Variants in GPC3 observed in about 807,000 individuals in gnomAD.
GPC3 encodes the protein glypican-3.
In GPC3, 3 loss-of-function variants were observed where a neutral mutation model predicts 34.4. That is an observed-to-expected ratio of 0.09 (90% confidence interval 0.04 to 0.23). The LOEUF is 0.23. GPC3 is among the 10% of genes least tolerant of loss of function. The probability of loss-of-function intolerance (pLI) is 1.00; values close to 1 mark genes in which losing one functional copy is unlikely to be tolerated. For missense variants in GPC3, 351 were observed against 445.6 expected, an observed-to-expected ratio of 0.79 and a Z score of 1.91; for synonymous variants, 177 against 174.0, an observed-to-expected ratio of 1.02 and a Z score of -0.13.
intron 2 of GPC3, among the ~76,000 whole-genome samples, chrX:133,929,002 C>A (rs201118889): frequency 8.9e-6 from 1 of 111,812 alleles, no homozygotes; most frequent in East Asian, 2.8e-4. Flanking sequence ...GGTGTGATAT[C>A]CATAAAATCA....
At chrX:133,670,579 A>G (rs1210645825) in intron 5 of GPC3, among the ~76,000 whole-genome samples, 1 of 112,078 alleles carries the variant, frequency 8.9e-6, no homozygotes, top group Non-Finnish European at 1.9e-5. Context: ...GAGATCTCAC[A>G]TTCTCAGAGC....
intron 7 of GPC3, among the ~76,000 whole-genome samples, chrX:133,591,009 G>A (rs2069842568): frequency 8.9e-6 from 1 of 111,832 alleles, no homozygotes; most frequent in Non-Finnish European, 1.9e-5. Context: ...TAGGACATAC[G>A]GGAGAAGCAA....
At chrX:133,812,861 C>T (rs1313020360) in intron 2 of GPC3, among the ~76,000 whole-genome samples, 2 of 111,859 alleles carry the variant, frequency 1.8e-5, no homozygotes, top group Non-Finnish European at 3.8e-5. Context: ...AACAATCCTT[C>T]CCAGTGCCCA....
intron 6 of GPC3, among the ~76,000 whole-genome samples, chrX:133,634,512 A>C (rs778907571): frequency 6.2e-5 from 7 of 112,680 alleles, no homozygotes; most frequent in Non-Finnish European, 1.3e-4. Context: ...AAAAGAACAA[A>C]GTACAGACAC....
chrX:133,783,922 A>G (rs780362039), intron 2 of GPC3, among the ~76,000 whole-genome samples: 17 of 111,979 alleles, frequency 1.5e-4, no homozygotes, highest in Admixed American at 1.4e-3. Context: ...GGACACATTA[A>G]GCAGTATCTC....
intron 6 of GPC3, among the ~76,000 whole-genome samples, chrX:133,642,802 G>GGA (rs2070495950): frequency 9.9e-6 from 1 of 101,468 alleles, no homozygotes; most frequent in African/African-American, 3.5e-5. Context: ...AAGAAAGAAA[G>GGA]AAAGGAAAAG....
intron 2 of GPC3, among the ~76,000 whole-genome samples, chrX:133,771,165 T>A (rs182670926): frequency 2.9e-3 from 322 of 112,343 alleles, no homozygotes; most frequent in Non-Finnish European, 4.7e-3. Flanking sequence ...TTTAAAATAA[T>A]GCTTGGAGTA....
At chrX:133,621,480 G>A (rs1345923204) in intron 6 of GPC3, among the ~76,000 whole-genome samples, 1 of 112,183 alleles carries the variant, frequency 8.9e-6, no homozygotes, top group African/African-American at 3.2e-5. Context: ...AATGGTCTTA[G>A]CAAATGGCAC....
At chrX:133,728,359 G>GGAA (rs1340528238) in intron 3 of GPC3, among the ~76,000 whole-genome samples, 1 of 110,499 alleles carries the variant, frequency 9.0e-6, no homozygotes, top group Non-Finnish European at 1.9e-5. Context: ...GAAGGAGAAA[G>GGAA]GAGGAGGGAA....
At chrX:133,759,562 T>C (rs2071765636) in intron 2 of GPC3, among the ~76,000 whole-genome samples, 1 of 112,193 alleles carries the variant, frequency 8.9e-6, no homozygotes, top group African/African-American at 3.2e-5. Flanking sequence ...GACATCCACA[T>C]GCAAAAAATG....
At chrX:133,634,638 T>C (rs2070399896) in intron 6 of GPC3, among the ~76,000 whole-genome samples, 1 of 111,673 alleles carries the variant, frequency 9.0e-6, no homozygotes, top group Non-Finnish European at 1.9e-5. Flanking sequence ...GGCAAATCTA[T>C]AAGGACAGAA....
chrX:133,751,937 G>A (rs1229185442), intron 3 of GPC3, among the ~76,000 whole-genome samples: 1 of 111,541 alleles, frequency 9.0e-6, no homozygotes, highest in Non-Finnish European at 1.9e-5. Flanking sequence ...CGCCCAGGCT[G>A]GGGTGCAGTC....
chrX:133,976,963 AAAT>A (rs1569461613), intron 1 of GPC3, among the ~76,000 whole-genome samples: 17 of 109,198 alleles, frequency 1.6e-4, no homozygotes, highest in East Asian at 2.9e-4. Flanking sequence ...ATAAATAAAT[AAAT>A]GAGGGGCAAC....
intron 6 of GPC3, among the ~76,000 whole-genome samples, chrX:133,605,913 G>A (rs968568307): frequency 9.0e-6 from 1 of 111,569 alleles, no homozygotes; most frequent in South Asian, 3.8e-4. Context: ...AAAGAAGAGA[G>A]ACCTGCTAGA....
intron 2 of GPC3, 61 bp from the exon 3 acceptor site, chrX:133,754,237 G>T (rs1480904464): frequency 1.6e-5 from 14 of 883,029 alleles, no homozygotes; most frequent in Non-Finnish European, 2.1e-5. Context: ...TGAAAATCCA[G>T]TGTGAAAATG....
At chrX:133,659,592 T>C (rs1308389319) in intron 6 of GPC3, among the ~76,000 whole-genome samples, 4 of 111,957 alleles carry the variant, frequency 3.6e-5, no homozygotes, top group African/African-American at 1.3e-4. Flanking sequence ...TTATCTTTAT[T>C]TAACCACTTC....
chrX:133,718,661 A>G (rs909926100), intron 3 of GPC3, among the ~76,000 whole-genome samples: 22 of 111,419 alleles, frequency 2.0e-4, no homozygotes, highest in African/African-American at 6.8e-4. Flanking sequence ...GGGATGGGCA[A>G]AATAGATTTA....
At chrX:133,617,120 A>T (rs2070175286) in intron 6 of GPC3, among the ~76,000 whole-genome samples, 1 of 111,927 alleles carries the variant, frequency 8.9e-6, no homozygotes, top group Admixed American at 9.5e-5. Context: ...ATGGGCCAAG[A>T]AGCAATTCTA....
chrX:133,634,210 C>G (rs1223114258), intron 6 of GPC3, among the ~76,000 whole-genome samples: 1 of 111,537 alleles, frequency 9.0e-6, no homozygotes, highest in Non-Finnish European at 1.9e-5. Flanking sequence ...AAAAAGAACC[C>G]TCATGCATTG....
Sources: allele counts gnomAD v4.1 joint callset (sites outside exome capture counted in the v4.1 genomes callset), GRCh38; gene constraint gnomAD v4.1.1; transcripts MANE v1.5; gene names NCBI Gene and HGNC (gene_info 2026-07-23, HGNC 2026-07-21).